FNDC3B: variants seen among roughly 807,000 people sequenced by gnomAD.
FNDC3B encodes fibronectin type III domain containing 3B.
In FNDC3B, 12 loss-of-function variants were observed where a neutral mutation model predicts 151.5. That is an observed-to-expected ratio of 0.08 (90% CI 0.05 to 0.13). The LOEUF (loss-of-function observed/expected upper bound fraction) is 0.13, where lower values mean the gene tolerates loss of function less well. Ranked by LOEUF, FNDC3B falls within the 10% of genes least tolerant of loss-of-function variation. The pLI is 1.00. For missense variants in FNDC3B, 1,214 were observed against 1,505.3 expected, an observed-to-expected ratio of 0.81 and a Z score of 3.20; for synonymous variants, 528 against 549.0, an observed-to-expected ratio of 0.96 and a Z score of 0.54.
intron 1 of FNDC3B, among the ~76,000 whole-genome samples, chr3:172,066,700 C>G (rs1241545368): frequency 1.3e-5 from 2 of 152,156 alleles, no homozygotes; most frequent in African/African-American, 4.8e-5. Flanking sequence ...GTTAGAAGAA[C>G]ATTAACAAAG....
intron 3 of FNDC3B, among the ~76,000 whole-genome samples, chr3:172,179,361 C>T (rs1023791178): frequency 5.3e-5 from 8 of 152,082 alleles, no homozygotes; most frequent in Admixed American, 3.3e-4. Context: ...CGTGCCTGGC[C>T]GGGCCTGTTT....
intron 4 of FNDC3B, among the ~76,000 whole-genome samples, chr3:172,242,885 C>T (rs774880679): frequency 1.3e-5 from 2 of 152,134 alleles, no homozygotes; most frequent in East Asian, 1.9e-4. Context: ...TTTTATGCTC[C>T]GCTTCCCTTA....
chr3:172,334,231 G>T (rs1732834211), intron 14 of FNDC3B, among the ~76,000 whole-genome samples: 1 of 152,084 alleles, frequency 6.6e-6, no homozygotes, highest in Non-Finnish European at 1.5e-5. Flanking sequence ...TATTATCGAT[G>T]CTGGCTATGA....
chr3:172,149,507 C>T (rs898185199), intron 3 of FNDC3B, among the ~76,000 whole-genome samples: 6 of 152,038 alleles, frequency 3.9e-5, no homozygotes, highest in Admixed American at 1.3e-4. Flanking sequence ...ATTCCTGTGG[C>T]GTTCTCTGCA....
chr3:172,283,073 G>A (rs1222407751), intron 6 of FNDC3B, among the ~76,000 whole-genome samples: 3 of 152,188 alleles, frequency 2.0e-5, no homozygotes, highest in East Asian at 1.9e-4. Context: ...AGATGAGCAC[G>A]TATGTAGGTG....
chr3:172,298,046 G>A (rs962728354), intron 8 of FNDC3B, among the ~76,000 whole-genome samples: 13 of 152,100 alleles, frequency 8.5e-5, no homozygotes, highest in Non-Finnish European at 1.8e-4. Context: ...TGTCTCTTTA[G>A]CCTTCTTTAA....
At position 172,108,582 on chromosome 3, in the gene FNDC3B, G is replaced by A. The variant is rs576089298; in HGVS notation, c.-28-3870G>A. ...TCAGTTACTGGTTAAAACAGAGGAG[G>A]TTCACTTTTGGGTTGCTGTGACTAT... On this transcript the variant is annotated intron_variant, in intron 1 of 25. Transcript: ENST00000415807. Among the ~76,000 whole-genome samples the A allele has an allele frequency of 7.2e-5, 11 of 152,336 alleles. No individual in the cohort carries two copies. In the East Asian group the frequency reaches 2.1e-3, roughly 29 times the overall value.
intron 3 of FNDC3B, among the ~76,000 whole-genome samples, chr3:172,172,727 G>T (rs918320948): frequency 6.6e-6 from 1 of 152,174 alleles, no homozygotes; most frequent in Admixed American, 6.5e-5. Context: ...TGATGTTTCA[G>T]TGCCTATTTT....
intron 3 of FNDC3B, among the ~76,000 whole-genome samples, chr3:172,208,778 A>G (rs1725564332): frequency 6.6e-6 from 1 of 151,966 alleles, no homozygotes; most frequent in Admixed American, 6.6e-5. Flanking sequence ...AGGGTGCGCC[A>G]GTCACGGAGC....
intron 9 of FNDC3B, among the ~76,000 whole-genome samples, chr3:172,299,947 A>C (rs1401222955): frequency 3.9e-5 from 6 of 152,286 alleles, no homozygotes; most frequent in African/African-American, 1.4e-4. Flanking sequence ...TATTAGCTGC[A>C]TAAGTTCTTA....
intron 1 of FNDC3B, among the ~76,000 whole-genome samples, chr3:172,046,342 CTTTTTT>C (rs1036429385): frequency 6.6e-6 from 1 of 151,694 alleles, no homozygotes; most frequent in South Asian, 2.1e-4. Flanking sequence ...TTTTCTTTTT[CTTTTTT>C]AAGATACAGT....
chr3:172,302,191 C>T (rs1730946622), intron 9 of FNDC3B: 1 of 152,234 alleles, frequency 6.6e-6, no homozygotes, highest in East Asian at 1.9e-4. Flanking sequence ...TTCAACTCCC[C>T]CGGCCCATGC....
At position 172,383,835 on chromosome 3, in the gene FNDC3B, C is replaced by G. The variant is rs144109481; in HGVS notation, c.3303+2742C>G. Among the ~76,000 whole-genome samples, 11 of 152,290 alleles carry G rather than the reference C, an allele frequency of 7.2e-5. No homozygotes were observed. In the East Asian group the frequency reaches 2.1e-3, roughly 29 times the overall value. ...CTGAAGGATTTAGATACTCTATAGG[C>G]TTTCATAATAGTCCCTAGAACTTGT... is the stretch of plus-strand genomic sequence containing the variant. On this transcript the variant is annotated intron_variant, in intron 25 of 25. Coordinates refer to ENST00000415807, the MANE Select transcript of FNDC3B (RefSeq NM_022763.4).
chr3:172,363,411 A>G (rs1210227953), intron 23 of FNDC3B, among the ~76,000 whole-genome samples: 5 of 152,122 alleles, frequency 3.3e-5, no homozygotes, highest in African/African-American at 1.2e-4. Context: ...CCTTTCACGT[A>G]GTATTTGTTT....
At chr3:172,049,156 G>C (rs1284025673) in intron 1 of FNDC3B, among the ~76,000 whole-genome samples, 1 of 152,174 alleles carries the variant, frequency 6.6e-6, no homozygotes, top group Non-Finnish European at 1.5e-5. Flanking sequence ...AAATATTGAA[G>C]ATGTATCCTA....
chr3:172,119,908 T>C (rs1720449673), intron 2 of FNDC3B, among the ~76,000 whole-genome samples: 1 of 152,184 alleles, frequency 6.6e-6, no homozygotes, highest in African/African-American at 2.4e-5. Context: ...CAACCCTTGC[T>C]TTGAGGGCCT....
intron 3 of FNDC3B, among the ~76,000 whole-genome samples, chr3:172,180,372 T>C (rs1245037422): frequency 1.3e-5 from 2 of 152,254 alleles, no homozygotes; most frequent in African/African-American, 4.8e-5. Context: ...CACTACTGTT[T>C]GAGAACATGA....
chr3:172,136,959 C>T (rs1327744169), intron 3 of FNDC3B, among the ~76,000 whole-genome samples: 2 of 152,136 alleles, frequency 1.3e-5, no homozygotes, highest in Non-Finnish European at 2.9e-5. Flanking sequence ...TGACCTCAGC[C>T]TTCCAAAGTG....
At chr3:172,368,335 G>A (rs777577826) in intron 23 of FNDC3B, among the ~76,000 whole-genome samples, 7 of 151,450 alleles carry the variant, frequency 4.6e-5, no homozygotes, top group East Asian at 3.9e-4. Context: ...CTTTCTCAGC[G>A]TATGCCTATT....
Sources: allele counts gnomAD v4.1 joint callset (sites outside exome capture counted in the v4.1 genomes callset), GRCh38; gene constraint gnomAD v4.1.1; transcripts MANE v1.5; gene names NCBI Gene and HGNC (gene_info 2026-07-23, HGNC 2026-07-21).